GPN3: variants seen among roughly 807,000 people sequenced by gnomAD.
GPN3 encodes ATP-binding domain 1 family member C.
Under a neutral mutation model 38.7 loss-of-function variants are expected in GPN3, and 31 were observed. The observed-to-expected ratio is 0.80, with a 90% confidence interval of 0.60 to 1.08. The LOEUF (loss-of-function observed/expected upper bound fraction) is 1.08. Among genes scored for constraint, GPN3 ranks in the 50% least tolerant of loss-of-function variants. The pLI, the probability that GPN3 is intolerant of heterozygous loss-of-function variation, is 0.00. For missense variants in GPN3, 301 were observed against 354.4 expected, an observed-to-expected ratio of 0.85 and a Z score of 1.21; for synonymous variants, 116 against 120.2, an observed-to-expected ratio of 0.96 and a Z score of 0.23.
At chr12:110,465,039 T>C in intron 2 of GPN3, 67 bp downstream of exon 2, 3 of 821,606 alleles carry the variant, frequency 3.7e-6, no homozygotes, top group Non-Finnish European at 6.6e-6. Context: ...GCTAAGCAGC[T>C]AGTACTCACT....
intron 6 of GPN3, among the ~76,000 whole-genome samples, chr12:110,455,029 G>T (rs1206969753): frequency 2.6e-5 from 4 of 151,810 alleles, no homozygotes; most frequent in Non-Finnish European, 5.9e-5. Context: ...TCACCATGTT[G>T]GCCAGGCTGG....
At chr12:110,457,443 C>T in intron 4 of GPN3, 67 bp downstream of exon 4, 1 of 1,313,154 alleles carries the variant, frequency 7.6e-7, no homozygotes, top group Non-Finnish European at 9.9e-7. Flanking sequence ...CAGAGTAAGA[C>T]TCTGTCACAC....
chr12:110,462,903 C>G (rs1436641075), intron 2 of GPN3, among the ~76,000 whole-genome samples: 5 of 152,198 alleles, frequency 3.3e-5, no homozygotes, highest in African/African-American at 9.6e-5. Context: ...ACCACAGGCG[C>G]CCGCCACCAT....
chr12:110,457,711 C>T (rs1592962576), intron 3 of GPN3, 77 bp from the exon 4 acceptor site: 3 of 1,096,306 alleles, frequency 2.7e-6, no homozygotes, highest in Non-Finnish European at 3.9e-6. Flanking sequence ...CAAATTTTCC[C>T]CATAAGATGG....
rs369378187 is a variant in GPN3 at position 110,465,877 on chromosome 12, G to A, written c.49-663C>T. ...GGATCACCTGAGGTCAGGAGTTGGA[G>A]ACCAGCCTGGCCGACATGGTGAAAC... is the stretch of plus-strand genomic sequence containing the variant. On this transcript the variant is annotated intron_variant, in intron 1 of 7. Transcript: ENST00000228827. 1.1e-3 allele frequency among the ~76,000 whole-genome samples: 175 copies of A among 152,254 alleles called. 3 individuals carry two copies. The South Asian group carries it at 0.035, about 31-fold the overall frequency.
chr12:110,462,891 G>T (rs2062600268), intron 2 of GPN3, among the ~76,000 whole-genome samples: 1 of 152,214 alleles, frequency 6.6e-6, no homozygotes. Context: ...CCAGTAGCTG[G>T]GACCACAGGC....
intron 2 of GPN3, 60 bp from the exon 3 acceptor site, chr12:110,459,922 T>C: frequency 7.5e-7 from 1 of 1,337,214 alleles, no homozygotes; most frequent in Non-Finnish European, 1.1e-6. Context: ...TTATCCTTAC[T>C]AGAAATAGAA....
intron 1 of GPN3, among the ~76,000 whole-genome samples, chr12:110,465,802 T>G (rs1474433993): frequency 6.6e-6 from 1 of 152,090 alleles, no homozygotes; most frequent in African/African-American, 2.4e-5. Context: ...TCGGGCTGGG[T>G]GCAGTGGCTC....
intron 4 of GPN3, among the ~76,000 whole-genome samples, 170 bp downstream of exon 4, chr12:110,457,340 C>A (rs1213336570): frequency 6.6e-6 from 1 of 150,980 alleles, no homozygotes; most frequent in Non-Finnish European, 1.5e-5. Flanking sequence ...GTAATTCCAG[C>A]TACTCAGGAG....
At chr12:110,468,331 C>G (rs2062652484), upstream of GPN3, 2 of 1,559,910 alleles carry the variant, frequency 1.3e-6, no homozygotes, top group East Asian at 4.6e-5. Context: ...ACCACACCTC[C>G]TACTACGGGG....
At chr12:110,464,821 C>G in intron 2 of GPN3, 1 of 349,696 alleles carries the variant, frequency 2.9e-6, no homozygotes, top group South Asian at 3.0e-5. Context: ...TCTCAAATTC[C>G]TGACCTCGTG....
At chr12:110,468,391 A>G (rs936263829), upstream of GPN3, 2 of 1,523,270 alleles carry the variant, frequency 1.3e-6, no homozygotes, top group African/African-American at 1.4e-5. Flanking sequence ...AAAAAAGGGG[A>G]GGGGCGAGGG....
chr12:110,454,661 T>C (rs2062537358), intron 6 of GPN3, among the ~76,000 whole-genome samples: 2 of 151,618 alleles, frequency 1.3e-5, no homozygotes, highest in South Asian at 4.2e-4. Flanking sequence ...GCGCCCTTTT[T>C]GTTTTTGTTT....
chr12:110,464,092 C>G (rs2062610807), intron 2 of GPN3, among the ~76,000 whole-genome samples: 1 of 152,060 alleles, frequency 6.6e-6, no homozygotes. Context: ...ACATCAGCCT[C>G]CCAAGTAGCT....
Position 110,452,519 on chromosome 12 carries a change from C to T in GPN3, c.*515G>A, listed in dbSNP as rs2062519409. On this transcript the variant is annotated 3_prime_UTR_variant, in exon 8 of 8. Coordinates refer to ENST00000228827, the MANE Select transcript of GPN3 (RefSeq NM_016301.4). ...ATCTAGGTCCAAGAATCATTAAAAA[C>T]CTTTGTTTCTTTTATATATACACAT... The T allele has an allele frequency of 6.5e-6, 1 of 154,420 alleles. No individual in the cohort carries two copies. The highest frequency in any genetic ancestry group is 1.4e-5 in the Non-Finnish European group (1 of 69,572). The allele number at this position is 154,420 out of a possible 1,614,324, so 9.6% of individuals were successfully genotyped here.
chr12:110,468,633 G>A (rs1487334880), upstream of GPN3: 3 of 1,537,094 alleles, frequency 2.0e-6, no homozygotes, highest in African/African-American at 2.7e-5. Flanking sequence ...GTTTTGGGGA[G>A]CATGTATATT....
At position 110,466,998 on chromosome 12, in the gene GPN3, C is replaced by CT. The variant is rs113752739; in HGVS notation, c.48+1157dup. Among the ~76,000 whole-genome samples the CT allele has an allele frequency of 9.2e-4, 132 of 142,780 alleles. 1 individual carries two copies. Among genetic ancestry groups the CT allele is most frequent in the Middle Eastern group, 3.6e-3 (1 of 274 alleles). 93.7% of individuals were successfully genotyped at this position (142,780 alleles called of 152,430 possible). A position where few individuals can be genotyped will look rare whatever the true frequency, so the allele number is the denominator to read the frequency against. The stretch of plus-strand genomic sequence containing the variant: ...AGACTCTAGTGTTTCCACACTTCTT[C>CT]TTTTTTTTTTTTGCGACAGTACCTC... On this transcript the variant is annotated intron_variant, in intron 1 of 7. Transcript: ENST00000228827.
chr12:110,459,242 T>G (rs1287796712), intron 3 of GPN3, among the ~76,000 whole-genome samples: 1 of 149,964 alleles, frequency 6.7e-6, no homozygotes, highest in Non-Finnish European at 1.5e-5. Flanking sequence ...TTTTTTTTGT[T>G]TTTTTTTTTT....
intron 1 of GPN3, 35 bp downstream of exon 1, chr12:110,468,121 C>T (rs1225439441): frequency 5.0e-6 from 8 of 1,613,988 alleles, no homozygotes; most frequent in Non-Finnish European, 6.8e-6. Flanking sequence ...TCCACGAACT[C>T]CTACTTTTCT....
Sources: allele counts gnomAD v4.1 joint callset (sites outside exome capture counted in the v4.1 genomes callset), GRCh38; gene constraint gnomAD v4.1.1; transcripts MANE v1.5; gene names NCBI Gene and HGNC (gene_info 2026-07-23, HGNC 2026-07-21).